Variants in RARB observed in about 807,000 individuals in gnomAD.
RARB encodes the protein retinoic acid receptor beta, also known as HBV-activated protein.
RARB carries 17 observed loss-of-function variants against 51.9 expected under a neutral mutation model. The ratio of observed to expected loss-of-function variants is 0.33; its 90% CI spans 0.22 to 0.49. RARB has a LOEUF of 0.49. Ranked by LOEUF, RARB falls within the 20% of genes least tolerant of loss-of-function variation. The pLI is 0.99. For synonymous variants in RARB, 215 were observed against 195.4 expected (o/e 1.10, Z -0.84); for missense variants, 369 against 550.8 (o/e 0.67, Z 3.30).
At chr3:24,957,835 A>C (rs1300293328) in intron 2 of RARB, among the ~76,000 whole-genome samples, 7 of 152,214 alleles carry the variant, frequency 4.6e-5, no homozygotes. Flanking sequence ...AAAAGTGATC[A>C]TATCTCCAGT....
At chr3:25,397,376 G>A (rs913423128) in intron 5 of RARB, among the ~76,000 whole-genome samples, 1 of 152,304 alleles carries the variant, frequency 6.6e-6, no homozygotes, top group Middle Eastern at 3.4e-3. Flanking sequence ...TGGGCACTCA[G>A]AGTTTTTCGG....
intron 2 of RARB, among the ~76,000 whole-genome samples, chr3:25,015,152 G>T (rs1697481684): frequency 6.6e-6 from 1 of 152,068 alleles, no homozygotes; most frequent in African/African-American, 2.4e-5. Context: ...GAAGAATTGA[G>T]GTTCTGTAGC....
At chr3:25,054,050 G>T (rs147957074) in intron 2 of RARB, among the ~76,000 whole-genome samples, 2 of 152,170 alleles carry the variant, frequency 1.3e-5, no homozygotes, top group Middle Eastern at 3.4e-3. Flanking sequence ...GGGTTGAGTG[G>T]GGAGTCCATG....
chr3:25,260,102 TTTG>T (rs1188133487), intron 5 of RARB: 1 of 682,496 alleles, frequency 1.5e-6, no homozygotes, highest in Non-Finnish European at 1.8e-6. Flanking sequence ...TTCAGCTTTG[TTTG>T]TTGTTTGTAC....
At chr3:24,864,398 C>G (rs564779755) in intron 2 of RARB, among the ~76,000 whole-genome samples, 2 of 152,242 alleles carry the variant, frequency 1.3e-5, no homozygotes, top group East Asian at 1.9e-4. Context: ...TGGATACTTC[C>G]CTGGCTCTCT....
chr3:24,871,114 A>G (rs1702938916), intron 2 of RARB, among the ~76,000 whole-genome samples: 1 of 152,128 alleles, frequency 6.6e-6, no homozygotes, highest in Admixed American at 6.6e-5. Context: ...ACTTTTTAAT[A>G]GAACTTATGT....
chr3:25,530,140 A>T (rs75526957), intron 3 of RARB, among the ~76,000 whole-genome samples: 3,103 of 152,240 alleles, frequency 0.02, 103 homozygotes, highest in African/African-American at 0.071. Flanking sequence ...CCTGAGTGTT[A>T]TCTACCCCTT....
intron 2 of RARB, among the ~76,000 whole-genome samples, chr3:24,949,258 G>A (rs1208685136): frequency 6.6e-6 from 1 of 152,176 alleles, no homozygotes; most frequent in East Asian, 1.9e-4. Flanking sequence ...GTTGCAGATG[G>A]GAAAAAGTGT....
At chr3:25,063,725 T>TTTA (rs780431198) in intron 3 of RARB, among the ~76,000 whole-genome samples, 2 of 149,334 alleles carry the variant, frequency 1.3e-5, no homozygotes, top group East Asian at 2.0e-4. Flanking sequence ...TTTTTTTTTT[T>TTTA]AAAAAGATGA....
At chr3:25,433,342 G>C (rs1473877149) in intron 1 of RARB, among the ~76,000 whole-genome samples, 1 of 151,938 alleles carries the variant, frequency 6.6e-6, no homozygotes, top group Non-Finnish European at 1.5e-5. Context: ...AATATAAGTA[G>C]AGCTCTCACA....
chr3:25,249,473 G>C (rs1181891027), intron 5 of RARB, among the ~76,000 whole-genome samples: 1 of 152,020 alleles, frequency 6.6e-6, no homozygotes, highest in Non-Finnish European at 1.5e-5. Context: ...AAATTGTTGT[G>C]ATCCTTTGGA....
chr3:25,298,319 G>T (rs1186090704), intron 5 of RARB, among the ~76,000 whole-genome samples: 12 of 151,796 alleles, frequency 7.9e-5, no homozygotes, highest in Non-Finnish European at 1.8e-4. Flanking sequence ...AGTAGCTGGG[G>T]TTACAGCCAC....
intron 3 of RARB, among the ~76,000 whole-genome samples, chr3:25,114,258 G>A (rs965787015): frequency 1.3e-5 from 2 of 152,184 alleles, no homozygotes; most frequent in Non-Finnish European, 2.9e-5. Flanking sequence ...CTCCTTTGGT[G>A]CAGCACTCTC....
At chr3:24,898,457 T>C (rs1355077252) in intron 2 of RARB, among the ~76,000 whole-genome samples, 1 of 151,912 alleles carries the variant, frequency 6.6e-6, no homozygotes, top group Non-Finnish European at 1.5e-5. Flanking sequence ...AACTTTAATA[T>C]TTGTTACATG....
intron 5 of RARB, among the ~76,000 whole-genome samples, chr3:25,385,812 A>T (rs541870002): frequency 1.3e-5 from 2 of 152,016 alleles, no homozygotes; most frequent in Non-Finnish European, 2.9e-5. Context: ...TCTATCTTGT[A>T]TCTTTCCTAA....
chr3:24,980,411 C>T (rs74673160), intron 2 of RARB, among the ~76,000 whole-genome samples: 6 of 152,208 alleles, frequency 3.9e-5, no homozygotes, highest in African/African-American at 1.4e-4. Context: ...GTACACCAAT[C>T]AAATGTAGAT....
Position 25,422,321 on chromosome 3 carries a change from A to C in RARB, c.179-38872A>C, listed in dbSNP as rs577996698. Among the ~76,000 whole-genome samples the C allele has an allele frequency of 1.9e-4, 29 of 152,320 alleles. No homozygotes were observed. The South Asian group carries it at 6.0e-3, about 32-fold the overall frequency. On this transcript the variant is annotated intron_variant, in intron 5 of 11. Coordinates refer to the RARB transcript ENST00000383772. ...AGCTGTTCTTCTAAGCACTCTGTCA[A>C]CTAAGTGGCACATCTAATCTTAGCT...
intron 3 of RARB, among the ~76,000 whole-genome samples, chr3:25,120,161 C>T (rs1403658863): frequency 6.6e-6 from 1 of 152,078 alleles, no homozygotes; most frequent in African/African-American, 2.4e-5. Context: ...ATCAGGGTTG[C>T]AAACCCAAAT....
At chr3:24,959,083 G>A (rs945708651) in intron 2 of RARB, among the ~76,000 whole-genome samples, 2 of 152,200 alleles carry the variant, frequency 1.3e-5, no homozygotes, top group African/African-American at 2.4e-5. Flanking sequence ...GAGGGCATGC[G>A]TTACAGTGCG....
Sources: gnomAD v4.1 joint callset for allele counts (sites outside exome capture counted in the v4.1 genomes callset) on GRCh38, gnomAD v4.1.1 for gene constraint, MANE v1.5 for transcripts, NCBI Gene and HGNC (gene_info 2026-07-23, HGNC 2026-07-21) for gene names.